Variants in SLC30A3 observed in about 807,000 individuals in gnomAD.
The protein encoded by SLC30A3 is solute carrier family 30 member 3.
In SLC30A3, 20 loss-of-function variants were observed where a neutral mutation model predicts 35.6. That is an observed-to-expected ratio of 0.56 (90% CI 0.39 to 0.82). The LOEUF (loss-of-function observed/expected upper bound fraction) is 0.82, where lower values mean the gene tolerates loss of function less well. Ranked by LOEUF, SLC30A3 falls within the 40% of genes least tolerant of loss-of-function variation. The pLI is 0.00. For synonymous variants in SLC30A3, 217 were observed against 224.7 expected (o/e 0.97, Z 0.31); for missense variants, 401 against 530.6 (o/e 0.76, Z 2.40).
Position 27,262,874 on chromosome 2 carries a change from C to G in SLC30A3, c.33G>C (p.Glu11Asp). The G allele has an allele frequency of 6.4e-7, 1 of 1,559,042 alleles. No individual in the cohort carries two copies. The highest frequency in any genetic ancestry group is 8.6e-7 in the Non-Finnish European group (1 of 1,159,504). ...CCCGGGGGCTCACCAGGCGAGTGGT[C>G]TCCAAGCCCCCAGCGGCTGGAGAGG... MEPSPAAGGL[E>D]TTRLVSPRDR... Residue 11 changes from glutamate (E) to aspartate (D), a missense_variant, in exon 1 of 8, where the codon GAG becomes GAC. By Grantham distance (45) the Glu-to-Asp change is conservative. Transcript: ENST00000233535. This position sits in a 1 kb window ranked among gnomAD's most constrained non-coding sequence, Gnocchi z 7.5.
upstream of SLC30A3, among the ~76,000 whole-genome samples, chr2:27,267,662 C>T (rs565388472): frequency 8.5e-5 from 13 of 152,144 alleles, no homozygotes; most frequent in African/African-American, 1.2e-4. Context: ...TGACTGGATG[C>T]GGTGGCTCAC....
At position 27,262,091 on chromosome 2, in the gene SLC30A3, G is replaced by T; in HGVS notation, c.95+721C>A. On this transcript the variant is annotated intron_variant, in intron 1 of 7. Transcript: ENST00000233535. The surrounding 1 kb of genome is among the most constrained non-coding windows in gnomAD (Gnocchi z 7.5). ...CGGACGGCCGCTCAGAGGGGCAGGT[G>T]GACGGTGGCGGCAGGCGCGGGGGCC... 6.6e-6 allele frequency: 1 copy of T among 152,458 alleles called. No homozygotes were observed. Among genetic ancestry groups the T allele is most frequent in the South Asian group, 2.0e-4 (1 of 4,904 alleles). 9.4% of individuals were successfully genotyped at this position (152,458 alleles called of 1,614,324 possible).
At position 27,258,699 on chromosome 2, in the gene SLC30A3, G is replaced by A; in HGVS notation, c.277+54C>T. 1 of 1,580,326 alleles carries A rather than the reference G, an allele frequency of 6.3e-7. No individual in the cohort carries two copies. The highest frequency in any genetic ancestry group is 8.7e-7 in the Non-Finnish European group (1 of 1,151,132). ...ACATTCCTGGGACTCTGGGTGGAGA[G>A]TGGCTTGGGCAGGTATTTGGAGAAT... is the stretch of plus-strand genomic sequence containing the variant. On this transcript the variant is annotated intron_variant, in intron 2 of 7. Transcript: ENST00000233535. The surrounding 1 kb of genome is among the most constrained non-coding windows in gnomAD (Gnocchi z 4.0).
chr2:27,259,279 G>C (rs763255777), intron 1 of SLC30A3, among the ~76,000 whole-genome samples: 7 of 152,120 alleles, frequency 4.6e-5, no homozygotes, highest in Non-Finnish European at 1.0e-4. Flanking sequence ...CAGATCACAA[G>C]GTCAGGAGAT....
At chr2:27,259,845 C>T (rs1196426262) in intron 1 of SLC30A3, among the ~76,000 whole-genome samples, 1 of 152,084 alleles carries the variant, frequency 6.6e-6, no homozygotes, top group Admixed American at 6.6e-5. Flanking sequence ...CATGTACCTA[C>T]ACAATGATAT....
chr2:27,256,922 C>A, intron 5 of SLC30A3, 29 bp from the exon 6 acceptor site: 1 of 1,499,944 alleles, frequency 6.7e-7, no homozygotes, highest in Non-Finnish European at 9.2e-7. Context: ...CTAAGCCCAA[C>A]AACCAGGGAC....
In SLC30A3 at chr2:27,255,739, AC is replaced by A. The variant is rs2148116388; in HGVS notation, c.1019-280del. The A allele has an allele frequency of 9.6e-6, 4 of 416,416 alleles. No individual in the cohort carries two copies. Among genetic ancestry groups the A allele is most frequent in the Non-Finnish European group, 1.7e-5 (4 of 230,994 alleles). The allele number at this position is 416,416 out of a possible 1,614,324, so 25.8% of individuals were successfully genotyped here. A position where few individuals can be genotyped will look rare whatever the true frequency, so the allele number is the denominator to read the frequency against. Reference sequence around the variant, plus strand: ...AGCTCAACATTTCAGCAGCCATACCACCCGATTTCCCAGGACAATCCAGTTG... The same window carrying A: ...AGCTCAACATTTCAGCAGCCATACCACCGATTTCCCAGGACAATCCAGTTG... On this transcript the variant is annotated intron_variant, in intron 7 of 7. Transcript: ENST00000233535. This position sits in a 1 kb window ranked among gnomAD's most constrained non-coding sequence, Gnocchi z 5.2.
chr2:27,266,390 A>T (rs937608541), upstream of SLC30A3, among the ~76,000 whole-genome samples: 1 of 151,988 alleles, frequency 6.6e-6, no homozygotes, highest in African/African-American at 2.4e-5. Flanking sequence ...CCACCTTCTC[A>T]ATCTTTTCTT....
intron 1 of SLC30A3, among the ~76,000 whole-genome samples, chr2:27,260,906 GTGCA>G (rs957808411): frequency 2.0e-5 from 3 of 152,192 alleles, no homozygotes; most frequent in African/African-American, 7.2e-5. Flanking sequence ...ATTCAATGAG[GTGCA>G]CCAGGCAGAG....
chr2:27,263,346 C>T (rs746177363), upstream of SLC30A3: 23 of 466,282 alleles, frequency 4.9e-5, no homozygotes, highest in South Asian at 3.5e-4. Flanking sequence ...CACGACCAAC[C>T]TTCGCCCAAC....
At chr2:27,274,242 T>C (rs1677880021) in intron 1 of SLC30A3, among the ~76,000 whole-genome samples, 1 of 152,202 alleles carries the variant, frequency 6.6e-6, no homozygotes, top group Non-Finnish European at 1.5e-5. Flanking sequence ...GGAGAATCAC[T>C]TGAACCCGGA....
Position 27,257,728 on chromosome 2 carries a change from T to G in SLC30A3, c.578+177A>C. 1 of 655,724 alleles carries G rather than the reference T, an allele frequency of 1.5e-6. No homozygotes were observed. Among genetic ancestry groups the G allele is most frequent in the Non-Finnish European group, 2.6e-6 (1 of 386,478 alleles). 40.6% of individuals were successfully genotyped at this position (655,724 alleles called of 1,614,324 possible). Reference sequence around the variant, plus strand: ...TGGCAGGCCCTTGACAGAGATCTGCTGACTGAATTTTAGGTCTCTATCCCA... The same window carrying G: ...TGGCAGGCCCTTGACAGAGATCTGCGGACTGAATTTTAGGTCTCTATCCCA... On this transcript the variant is annotated intron_variant, in intron 4 of 7. Coordinates refer to ENST00000233535, the MANE Select transcript of SLC30A3 (RefSeq NM_003459.5). This position sits in a 1 kb window ranked among gnomAD's most constrained non-coding sequence, Gnocchi z 4.7.
At chr2:27,274,903 T>C (rs1325397896) in intron 1 of SLC30A3, among the ~76,000 whole-genome samples, 1 of 152,180 alleles carries the variant, frequency 6.6e-6, no homozygotes, top group Non-Finnish European at 1.5e-5. Context: ...TGAAGCACGG[T>C]AGTGACTTTT....
Position 27,254,711 on chromosome 2 carries a change from C to T in SLC30A3, c.*601G>A, listed in dbSNP as rs1676734527. 1 of 191,514 alleles carries T rather than the reference C, an allele frequency of 5.2e-6. No individual in the cohort carries two copies. The highest frequency in any genetic ancestry group is 1.1e-5 in the Non-Finnish European group (1 of 92,756). The allele number at this position is 191,514 out of a possible 1,614,324, so 11.9% of individuals were successfully genotyped here. A position where few individuals can be genotyped will look rare whatever the true frequency, so the allele number is the denominator to read the frequency against. ...ATGGATGGAGCAGACTCATAGAAAC[C>T]ATAGCACAGCCACATAGGCACAGAG... is the stretch of plus-strand genomic sequence containing the variant. On this transcript the variant is annotated 3_prime_UTR_variant, in exon 8 of 8. Coordinates refer to ENST00000233535, the MANE Select transcript of SLC30A3 (RefSeq NM_003459.5).
In SLC30A3 at chr2:27,255,721, C is replaced by A; in HGVS notation, c.1019-261G>T. 1 of 467,834 alleles carries A rather than the reference C, an allele frequency of 2.1e-6. No homozygotes were observed. 29.0% of individuals were successfully genotyped at this position (467,834 alleles called of 1,614,324 possible). ...CATTAAGTGTCAACATACAGCTCAA[C>A]ATTTCAGCAGCCATACCACCCGATT... is the stretch of plus-strand genomic sequence containing the variant. On this transcript the variant is annotated intron_variant, in intron 7 of 7. Coordinates refer to ENST00000233535, the MANE Select transcript of SLC30A3 (RefSeq NM_003459.5). The surrounding 1 kb of genome is among the most constrained non-coding windows in gnomAD (Gnocchi z 5.2).
intron 1 of SLC30A3, among the ~76,000 whole-genome samples, chr2:27,270,811 G>A (rs1305734185): frequency 6.6e-6 from 1 of 152,058 alleles, no homozygotes; most frequent in Non-Finnish European, 1.5e-5. Flanking sequence ...GGAAGCAGAG[G>A]CAAACACAAT....
At chr2:27,261,313 G>C (rs1677171437) in intron 1 of SLC30A3, among the ~76,000 whole-genome samples, 2 of 152,196 alleles carry the variant, frequency 1.3e-5, no homozygotes. Flanking sequence ...AGAGGAAATG[G>C]AGGGGTCTAG....
At chr2:27,263,181 C>A, upstream of SLC30A3, 1 of 1,166,564 alleles carries the variant, frequency 8.6e-7, no homozygotes, top group Non-Finnish European at 1.1e-6. Context: ...CTGCCAAAGC[C>A]CCATTTCCCC....
chr2:27,268,480 G>A (rs764682029), intron 1 of SLC30A3, among the ~76,000 whole-genome samples: 13 of 152,228 alleles, frequency 8.5e-5, no homozygotes, highest in Non-Finnish European at 7.3e-5. Flanking sequence ...TAGGCCGGGG[G>A]CGGTGGCTCA....
Sources: gnomAD v4.1 joint callset for allele counts (sites outside exome capture counted in the v4.1 genomes callset) on GRCh38, gnomAD v4.1.1 for gene constraint, Gnocchi (gnomAD v3.1) non-coding constraint, MANE v1.5 for transcripts, NCBI Gene and HGNC (gene_info 2026-07-23, HGNC 2026-07-21) for gene names.